Variants in LRRC8A observed in about 807,000 individuals in gnomAD.
LRRC8A encodes volume-regulated anion channel subunit LRRC8A.
A neutral mutation model predicts 52.5 loss-of-function variants in LRRC8A; 24 were observed. The observed-to-expected ratio is 0.46, with a 90% CI of 0.33 to 0.64. The LOEUF is 0.64. Ranked by LOEUF, LRRC8A falls within the 30% of genes least tolerant of loss-of-function variation. LRRC8A has a pLI of 0.02. For missense variants in LRRC8A, 677 were observed against 1,094.7 expected (o/e 0.62, Z 5.38); for synonymous variants, 492 against 494.2 (o/e 1.00, Z 0.06).
intron 1 of LRRC8A, among the ~76,000 whole-genome samples, chr9:128,883,131 G>A (rs182942794): frequency 1.3e-5 from 2 of 152,284 alleles, no homozygotes; most frequent in Admixed American, 1.3e-4. Context: ...ATGGAGACTT[G>A]GCTGGAAGGG....
chr9:128,910,598 C>T (rs763233769), intron 3 of LRRC8A, among the ~76,000 whole-genome samples: 2 of 152,146 alleles, frequency 1.3e-5, no homozygotes, highest in African/African-American at 2.4e-5. Context: ...GAGGCTGAGG[C>T]AGGATCGCTT....
At chr9:128,906,296 C>T (rs1840245447) in intron 2 of LRRC8A, among the ~76,000 whole-genome samples, 1 of 125,382 alleles carries the variant, frequency 8.0e-6, no homozygotes, top group African/African-American at 3.6e-5. Flanking sequence ...CGTGAGCCAC[C>T]ATGCCAGCCC....
At chr9:128,910,875 G>A (rs1404698972) in intron 3 of LRRC8A, among the ~76,000 whole-genome samples, 4 of 152,124 alleles carry the variant, frequency 2.6e-5, no homozygotes, top group East Asian at 1.9e-4. Flanking sequence ...GTGGCAACCC[G>A]CGTTTCTTAG....
At chr9:128,914,162 G>A (rs1046553995) in intron 3 of LRRC8A, among the ~76,000 whole-genome samples, 5 of 151,998 alleles carry the variant, frequency 3.3e-5, no homozygotes, top group African/African-American at 9.7e-5. Context: ...CCAAGATTGC[G>A]CCACTGCACT....
rs368149210 is a variant in LRRC8A at position 128,895,144 on chromosome 9, T to C, written c.-9+9023T>C. 5.9e-5 allele frequency among the ~76,000 whole-genome samples: 9 copies of C among 152,294 alleles called. No homozygotes were observed. In the East Asian group the frequency reaches 1.7e-3, roughly 29 times the overall value. ...ACATTTTATATACTGCTCAGCAAAA[T>C]TCTTTTATGCTTAATATCTCTTAGA... On this transcript the variant is annotated intron_variant, in intron 2 of 3. Transcript: ENST00000372600.
At position 128,904,506 on chromosome 9, in the gene LRRC8A, A is replaced by G. The variant is rs1840155956; in HGVS notation, c.-8-2651A>G. 1.3e-5 allele frequency among the ~76,000 whole-genome samples: 2 copies of G among 152,078 alleles called. 1 individual carries two copies. The highest frequency in any genetic ancestry group is 1.3e-4 in the Admixed American group (2 of 15,256). On this transcript the variant is annotated intron_variant, in intron 2 of 3. Transcript: ENST00000372600. ...GCACTCCAGCCTGGGTGACAGAGCA[A>G]TACTCTGTCTCTAAATAAATAAATA... is the stretch of plus-strand genomic sequence containing the variant.
intron 2 of LRRC8A, among the ~76,000 whole-genome samples, chr9:128,895,304 G>A (rs945221770): frequency 6.6e-6 from 1 of 152,054 alleles, no homozygotes. Flanking sequence ...AGCCAAGACC[G>A]TGCCACTGCA....
chr9:128,886,428 G>A (rs758444512), intron 2 of LRRC8A, among the ~76,000 whole-genome samples: 8 of 152,176 alleles, frequency 5.3e-5, no homozygotes, highest in South Asian at 2.1e-4. Context: ...CCCAAAAAGC[G>A]TGGACCACGT....
At position 128,904,893 on chromosome 9, in the gene LRRC8A, A is replaced by G. The variant is rs201534941; in HGVS notation, c.-8-2264A>G. On this transcript the variant is annotated intron_variant, in intron 2 of 3. Coordinates refer to ENST00000372600, the MANE Select transcript of LRRC8A (RefSeq NM_019594.4). ...GGTGCCTGTAGTCCCAGCTACTTGG[A>G]AGGCTGAGGCAGGAGAATGGCGTGA... Among the ~76,000 whole-genome samples, 1,109 of 150,956 alleles carry G rather than the reference A, an allele frequency of 7.3e-3. 8 individuals carry two copies. The highest frequency in any genetic ancestry group is 0.019 in the African/African-American group (784 of 41,150).
At position 128,916,069 on chromosome 9, in the gene LRRC8A, C is replaced by T. The variant is rs1465386073; in HGVS notation, c.2158-27C>T. On this transcript the variant is annotated intron_variant, in intron 3 of 3. Coordinates refer to ENST00000372600, the MANE Select transcript of LRRC8A (RefSeq NM_019594.4). This position sits in a 1 kb window ranked among gnomAD's most constrained non-coding sequence, Gnocchi z 6.1. ...CCCGTCCAAGCCCACACCCACCTCA[C>T]TCTCACCCCTGCTTTTTTCCCTCCA... 6.3e-7 allele frequency: 1 copy of T among 1,580,140 alleles called. No individual in the cohort carries two copies. The highest frequency in any genetic ancestry group is 1.7e-5 in the Admixed American group (1 of 58,808).
rs73669991 is a variant in LRRC8A at position 128,899,865 on chromosome 9, T to G, written c.-8-7292T>G. 7.6e-4 allele frequency among the ~76,000 whole-genome samples: 116 copies of G among 152,332 alleles called. No homozygotes were observed. Among genetic ancestry groups the G allele is most frequent in the African/African-American group, 2.7e-3 (113 of 41,574 alleles). On this transcript the variant is annotated intron_variant, in intron 2 of 3. Coordinates refer to ENST00000372600, the MANE Select transcript of LRRC8A (RefSeq NM_019594.4). This position sits in a 1 kb window ranked among gnomAD's most constrained non-coding sequence, Gnocchi z 4.0. Reference sequence around the variant, plus strand: ...GCTTCATGCCACTGAACTACACCCCTGAACATGGGTAAGATGGTACATTTT... The same window carrying G: ...GCTTCATGCCACTGAACTACACCCCGGAACATGGGTAAGATGGTACATTTT...
At chr9:128,890,381 T>A (rs921758149) in intron 2 of LRRC8A, among the ~76,000 whole-genome samples, 1 of 152,164 alleles carries the variant, frequency 6.6e-6, no homozygotes, top group Non-Finnish European at 1.5e-5. Context: ...AATCTAAGCC[T>A]CACGCCTAGA....
chr9:128,915,996 GA>G, intron 3 of LRRC8A, 99 bp from the exon 4 acceptor site: 1 of 1,426,034 alleles, frequency 7.0e-7, no homozygotes. Flanking sequence ...CTGGGGATCA[GA>G]AAAGATGCTG....
chr9:128,900,466 T>C (rs1311865828), intron 2 of LRRC8A, among the ~76,000 whole-genome samples: 1 of 152,164 alleles, frequency 6.6e-6, no homozygotes, highest in East Asian at 1.9e-4. Flanking sequence ...CCCAGCACTT[T>C]GGGAAGCTGA....
At chr9:128,887,945 C>G (rs920464403) in intron 2 of LRRC8A, among the ~76,000 whole-genome samples, 6 of 152,168 alleles carry the variant, frequency 3.9e-5, no homozygotes, top group South Asian at 2.1e-4. Flanking sequence ...CCCGGCTCCC[C>G]TGGACCTCTT....
At chr9:128,882,329 CGGCCCGGGG>C (rs1052197486) in intron 1 of LRRC8A, 79 bp downstream of exon 1, 16 of 172,640 alleles carry the variant, frequency 9.3e-5, no homozygotes, top group Non-Finnish European at 3.7e-5. Context: ...GCCAGCTGCC[CGGCCCGGGG>C]CGCCCGGGGC....
rs561000682 is a variant in LRRC8A, at chr9:128,896,766, T to C, written c.-8-10391T>C. On this transcript the variant is annotated intron_variant, in intron 2 of 3. Transcript: ENST00000372600. ...AGCCAGAGTCTTGCTCTGTCACCCATGCTGGAGTGCAGTGGTACGATGTCT... is the reference window on the plus strand; with the variant it reads ...AGCCAGAGTCTTGCTCTGTCACCCACGCTGGAGTGCAGTGGTACGATGTCT... Among the ~76,000 whole-genome samples, 69 of 152,248 alleles carry C rather than the reference T, an allele frequency of 4.5e-4. 2 individuals are homozygous for C. In the South Asian group the frequency reaches 0.014, roughly 31 times the overall value.
chr9:128,896,734 T>A (rs1443042575), intron 2 of LRRC8A, among the ~76,000 whole-genome samples: 1 of 152,220 alleles, frequency 6.6e-6, no homozygotes, highest in African/African-American at 2.4e-5. Context: ...CTTTATTTTT[T>A]TCTTTGAGCC....
At position 128,910,857 on chromosome 9, in the gene LRRC8A, G is replaced by T. The variant is rs544664995; in HGVS notation, c.2157+1536G>T. Among the ~76,000 whole-genome samples the T allele has an allele frequency of 4.5e-4, 69 of 152,298 alleles. 2 individuals carry two copies. In the South Asian group the frequency reaches 0.014, roughly 32 times the overall value. The stretch of plus-strand genomic sequence containing the variant: ...TTCACTAAGCACCCTCCCCTCTGCA[G>T]CCTCCGTGTGGCAACCCGCGTTTCT... On this transcript the variant is annotated intron_variant, in intron 3 of 3. Transcript: ENST00000372600.
Sources: gnomAD v4.1 joint callset for allele counts (sites outside exome capture counted in the v4.1 genomes callset) on GRCh38, gnomAD v4.1.1 for gene constraint, Gnocchi (gnomAD v3.1) non-coding constraint, MANE v1.5 for transcripts, NCBI Gene and HGNC (gene_info 2026-07-23, HGNC 2026-07-21) for gene names.